NIN: variants seen among roughly 807,000 people sequenced by gnomAD.
The protein encoded by NIN is ninein.
NIN carries 137 observed loss-of-function variants against 257.6 expected under a neutral mutation model. The ratio of observed to expected loss-of-function variants is 0.53; its 90% confidence interval spans 0.46 to 0.61. The LOEUF is 0.61. Among genes scored for constraint, NIN ranks in the 20% least tolerant of loss-of-function variants. NIN has a pLI of 0.00. For missense variants in NIN, 2,439 were observed against 2,501.2 expected (o/e 0.98, Z 0.53); for synonymous variants, 918 against 919.8 (o/e 1.00, Z 0.04).
intron 4 of NIN, among the ~76,000 whole-genome samples, chr14:50,793,950 C>T (rs1456076791): frequency 2.6e-5 from 4 of 152,136 alleles, no homozygotes; most frequent in South Asian, 2.1e-4. Flanking sequence ...CATACTCTCT[C>T]GAGAACAGAT....
chr14:50,791,290 T>A (rs1054959988), intron 5 of NIN, among the ~76,000 whole-genome samples: 1 of 152,202 alleles, frequency 6.6e-6, no homozygotes, highest in African/African-American at 2.4e-5. Context: ...CATATGAGTA[T>A]ATGTGTTTTA....
At chr14:50,803,310 G>C (rs1440035141) in intron 4 of NIN, among the ~76,000 whole-genome samples, 1 of 152,188 alleles carries the variant, frequency 6.6e-6, no homozygotes, top group African/African-American at 2.4e-5. Flanking sequence ...CTGAGATTGT[G>C]CCACTGCACT....
intron 5 of NIN, 49 bp downstream of exon 5, chr14:50,792,663 G>C: frequency 1.9e-6 from 3 of 1,605,504 alleles, no homozygotes; most frequent in Non-Finnish European, 2.6e-6. Context: ...GCACTGACGT[G>C]GGGCTCCACA....
chr14:50,735,312 G>A (rs1043813576), intron 28 of NIN, among the ~76,000 whole-genome samples: 13 of 152,274 alleles, frequency 8.5e-5, no homozygotes, highest in African/African-American at 2.9e-4. Flanking sequence ...TACTTACTCT[G>A]AAAAGCAGTA....
In NIN at chr14:50,792,660, C is replaced by T. The variant is rs75615874; in HGVS notation, c.435+52G>A. On this transcript the variant is annotated intron_variant, in intron 5 of 30. Transcript: ENST00000530997. The stretch of plus-strand genomic sequence containing the variant: ...CTCCCCTGTCTCTGTGCTGCACTGA[C>T]GTGGGGCTCCACACTCATGATCCAG... 658 of 1,603,128 alleles carry T rather than the reference C, an allele frequency of 4.1e-4. 4 individuals are homozygous for T. The African/African-American group carries it at 6.8e-3, about 17-fold the overall frequency.
rs778864786 is a variant in NIN, at chr14:50,752,580, A to G, written c.4888T>C (p.Leu1630=). 51 of 1,613,924 alleles carry G rather than the reference A, an allele frequency of 3.2e-5. No homozygotes were observed. In the South Asian group the frequency reaches 4.8e-4, roughly 15 times the overall value. ...AACTTCTCTTGTTCCCGTTCCTCCA[A>G]TGCACTGTTTCCTGGCTCTTTTTCC... ...QKEKEPGNSA[L]EEREQEKFNL... The change falls in exon 21 of 31, where the codon TTG becomes CTG. Residue 1630 remains leucine (L), a synonymous_variant. Transcript: ENST00000530997.
Position 50,757,057 on chromosome 14 carries a change from C to T in NIN, c.3973G>A (p.Val1325Ile), listed in dbSNP as rs1363049630. The T allele has an allele frequency of 1.2e-6, 2 of 1,613,640 alleles. No homozygotes were observed. The highest frequency in any genetic ancestry group is 2.7e-5 in the African/African-American group (2 of 74,870). ...TCAATCTTGCCTTGAAGTCTCAAAA[C>T]CAGAACATTCAGCCCCTCATTTTCT... ...KIENEGLNVLVLRLQGKIEKL... is the reference protein window; with the variant it reads ...KIENEGLNVLILRLQGKIEKL... Residue 1325 changes from valine to isoleucine, a missense_variant, in exon 18 of 31, where the codon GTT becomes ATT. Coordinates refer to ENST00000530997, the MANE Select transcript of NIN (RefSeq NM_020921.4).
rs1293840707 is a variant in NIN, at chr14:50,722,054, G to T, written c.*1409C>A. The T allele has an allele frequency of 4.4e-6, 1 of 228,730 alleles. No individual in the cohort carries two copies. The highest frequency in any genetic ancestry group is 8.7e-6 in the Non-Finnish European group (1 of 115,246). The allele number at this position is 228,730 out of a possible 1,614,324, so 14.2% of individuals were successfully genotyped here. On this transcript the variant is annotated 3_prime_UTR_variant, in exon 31 of 31. Transcript: ENST00000530997. ...ATCAAAGCGAACTTTTCGGATTATT[G>T]TCTCATGAAAACAAGCAGGTTGTTG...
intron 13 of NIN, 33 bp downstream of exon 13, chr14:50,766,747 G>T: frequency 7.0e-7 from 1 of 1,421,282 alleles, no homozygotes; most frequent in Non-Finnish European, 9.9e-7. Flanking sequence ...AAAGTAGGCT[G>T]CCTATCAGGA....
In NIN at chr14:50,770,493, C is replaced by T. The variant is rs1421195308; in HGVS notation, c.1329G>A (p.Gln443=). The stretch of plus-strand genomic sequence containing the variant: ...GCTGCTTGCCTGCCTGCTGCAGGAT[C>T]TGCTCTCTCTCTTTTCGGAGTTCAT... The part of the protein sequence containing the change: ...LKNELRKERE[Q]ILQQAGKQRL... Residue 443 remains glutamine (Q), a synonymous_variant, in exon 12 of 31, where the codon CAG becomes CAA. Transcript: ENST00000530997. 1.9e-6 allele frequency: 3 copies of T among 1,614,220 alleles called. No individual in the cohort carries two copies. In the South Asian group the frequency reaches 3.3e-5, roughly 18 times the overall value.
At chr14:50,728,700 T>A (rs2040536296) in intron 29 of NIN, among the ~76,000 whole-genome samples, 1 of 152,184 alleles carries the variant, frequency 6.6e-6, no homozygotes, top group Non-Finnish European at 1.5e-5. Context: ...CTGAATTAAC[T>A]AAATAGGCAA....
chr14:50,774,193 G>T (rs1029561380), intron 7 of NIN, among the ~76,000 whole-genome samples: 1 of 152,228 alleles, frequency 6.6e-6, no homozygotes, highest in Non-Finnish European at 1.5e-5. Flanking sequence ...TTGCATTTGA[G>T]CCTACAACTG....
intron 5 of NIN, among the ~76,000 whole-genome samples, chr14:50,790,866 C>T (rs2043559965): frequency 6.6e-6 from 1 of 152,160 alleles, no homozygotes; most frequent in South Asian, 2.1e-4. Flanking sequence ...TAGTAAATCT[C>T]CCTGGGCACC....
At chr14:50,736,164 ACT>A (rs1355235421) in intron 27 of NIN, among the ~76,000 whole-genome samples, 1 of 150,140 alleles carries the variant, frequency 6.7e-6, no homozygotes, top group Non-Finnish European at 1.5e-5. Flanking sequence ...ACAGAGTCTC[ACT>A]CTGTCACCCA....
chr14:50,758,713 A>C, intron 17 of NIN, 83 bp from the exon 18 acceptor site: 2 of 1,319,358 alleles, frequency 1.5e-6, no homozygotes, highest in Non-Finnish European at 1.0e-6. Flanking sequence ...TGCACTGAGA[A>C]AGCTGCTGAG....
intron 4 of NIN, among the ~76,000 whole-genome samples, chr14:50,804,220 G>A (rs536987090): frequency 5.5e-4 from 83 of 152,218 alleles, no homozygotes; most frequent in African/African-American, 2.0e-3. Flanking sequence ...TAGAGTGAGT[G>A]GAAGAATGTT....
At position 50,759,910 on chromosome 14, in the gene NIN, C is replaced by T; in HGVS notation, c.2346G>A (p.Glu782=). Residue 782 remains glutamate, a synonymous_variant, in exon 17 of 31, where the codon GAG becomes GAA. Transcript: ENST00000530997. ...TTTCCAAGAGCTCTTTTCTTAACTC[C>T]TCTTTCTCAAGAGTGTGTTTCTCCA... ...SLVEKHTLEK[E]ELRKELLEKH... The T allele has an allele frequency of 6.2e-7, 1 of 1,613,976 alleles. No homozygotes were observed. Among genetic ancestry groups the T allele is most frequent in the Non-Finnish European group, 8.5e-7 (1 of 1,179,974 alleles).
intron 21 of NIN, among the ~76,000 whole-genome samples, chr14:50,752,158 G>GT (rs4027697): frequency 0.51 from 75,644 of 148,556 alleles, 20,070 homozygotes; most frequent in East Asian, 0.69. Flanking sequence ...TATTTGTATA[G>GT]TTTTTTTTTT....
At chr14:50,811,984 G>T (rs1270142991) in intron 3 of NIN, among the ~76,000 whole-genome samples, 1 of 152,004 alleles carries the variant, frequency 6.6e-6, no homozygotes, top group Non-Finnish European at 1.5e-5. Flanking sequence ...AGCTGGGCGT[G>T]GTGGCAGTGC....
Sources: gnomAD v4.1 joint callset for allele counts (sites outside exome capture counted in the v4.1 genomes callset) on GRCh38, gnomAD v4.1.1 for gene constraint, MANE v1.5 for transcripts, NCBI Gene and HGNC (gene_info 2026-07-23, HGNC 2026-07-21) for gene names.